Variants in ADAM23 observed in about 807,000 individuals in gnomAD.
The protein encoded by ADAM23 is disintegrin and metalloproteinase domain-containing protein 23.
ADAM23 carries 33 observed loss-of-function variants against 120.1 expected under a neutral mutation model. The ratio of observed to expected loss-of-function variants is 0.27; its 90% CI spans 0.21 to 0.37. The LOEUF is 0.37. Ranked by LOEUF, ADAM23 falls within the 10% of genes least tolerant of loss-of-function variation. ADAM23 has a pLI of 1.00. For synonymous variants in ADAM23, 367 were observed against 375.2 expected, an observed-to-expected ratio of 0.98 and a Z score of 0.25; for missense variants, 862 against 1,058.2, an observed-to-expected ratio of 0.81 and a Z score of 2.57.
At chr2:206,539,704 A>G (rs1393589100) in intron 4 of ADAM23, among the ~76,000 whole-genome samples, 1 of 152,124 alleles carries the variant, frequency 6.6e-6, no homozygotes, top group Non-Finnish European at 1.5e-5. Flanking sequence ...CACTTCTGTT[A>G]TGCTTGGCAC....
intron 19 of ADAM23, among the ~76,000 whole-genome samples, chr2:206,587,593 A>C (rs1269935490): frequency 6.7e-6 from 1 of 149,776 alleles, no homozygotes; most frequent in Non-Finnish European, 1.5e-5. Flanking sequence ...AAAAAAAAAG[A>C]ATGTAATGGC....
intron 3 of ADAM23, among the ~76,000 whole-genome samples, chr2:206,514,964 A>C (rs1169502870): frequency 6.6e-6 from 1 of 152,308 alleles, no homozygotes; most frequent in East Asian, 1.9e-4. Flanking sequence ...CCTACCTTTT[A>C]TGTACACTGG....
intron 12 of ADAM23, among the ~76,000 whole-genome samples, chr2:206,561,413 G>A (rs375768694): frequency 2.2e-4 from 34 of 152,196 alleles, no homozygotes; most frequent in Middle Eastern, 3.4e-3. Context: ...ACAATTTTTC[G>A]TATATATCAG....
At chr2:206,583,346 C>G (rs774046318) in intron 18 of ADAM23, among the ~76,000 whole-genome samples, 4 of 151,796 alleles carry the variant, frequency 2.6e-5, no homozygotes, top group Non-Finnish European at 4.4e-5. Context: ...CCCAGCTACT[C>G]AGGAGGCTGA....
chr2:206,443,827 C>T lies in ADAM23; in HGVS notation c.-40C>T. On this transcript the variant is annotated 5_prime_UTR_variant, in exon 1 of 26. Transcript: ENST00000264377. The stretch of plus-strand genomic sequence containing the variant: ...GCCGCCCCGCAGCTAGCCCGGCGCT[C>T]TCGCCGGCCACACGGAGCGGCGCCC... 2 of 1,056,396 alleles carry T rather than the reference C, an allele frequency of 1.9e-6. No individual in the cohort carries two copies. 65.4% of individuals were successfully genotyped at this position (1,056,396 alleles called of 1,614,324 possible). A position where few individuals can be genotyped will look rare whatever the true frequency, so the allele number is the denominator to read the frequency against.
At chr2:206,578,896 G>C (rs915714851) in intron 18 of ADAM23, among the ~76,000 whole-genome samples, 2 of 152,128 alleles carry the variant, frequency 1.3e-5, no homozygotes, top group Non-Finnish European at 2.9e-5. Context: ...ATCCACGCCA[G>C]TGTCTACTGT....
At chr2:206,552,255 A>G (rs1183783310) in intron 9 of ADAM23, among the ~76,000 whole-genome samples, 1 of 152,194 alleles carries the variant, frequency 6.6e-6, no homozygotes, top group Non-Finnish European at 1.5e-5. Context: ...AATCTATAGA[A>G]TCTGTTCTCA....
At chr2:206,519,907 T>TG (rs1696809656) in intron 3 of ADAM23, among the ~76,000 whole-genome samples, 1 of 152,024 alleles carries the variant, frequency 6.6e-6, no homozygotes, top group Admixed American at 6.6e-5. Context: ...CCCAGCTACT[T>TG]GGGAGGCCAA....
At chr2:206,562,082 T>G (rs1697779403) in intron 12 of ADAM23, 121 bp from the exon 13 acceptor site, 1 of 765,910 alleles carries the variant, frequency 1.3e-6, no homozygotes, top group Non-Finnish European at 2.2e-6. Flanking sequence ...TATGCCATCT[T>G]AAGATACTGA....
intron 17 of ADAM23, among the ~76,000 whole-genome samples, chr2:206,572,153 C>T (rs1048176627): frequency 1.3e-5 from 2 of 151,962 alleles, no homozygotes; most frequent in Admixed American, 6.6e-5. Context: ...ATAATATGAC[C>T]TACTTATAAC....
intron 22 of ADAM23, among the ~76,000 whole-genome samples, chr2:206,593,861 AT>A (rs1698470357): frequency 6.6e-6 from 1 of 151,980 alleles, no homozygotes; most frequent in Admixed American, 6.5e-5. Flanking sequence ...AACACATGAA[AT>A]AATCTTATGA....
intron 2 of ADAM23, among the ~76,000 whole-genome samples, chr2:206,477,316 A>G (rs952481919): frequency 6.6e-6 from 1 of 152,228 alleles, no homozygotes; most frequent in East Asian, 1.9e-4. Flanking sequence ...AGGTTTGTGT[A>G]TATAATTGAG....
intron 3 of ADAM23, among the ~76,000 whole-genome samples, chr2:206,509,303 CTGTA>C (rs1696571934): frequency 6.6e-6 from 1 of 152,066 alleles, no homozygotes; most frequent in Non-Finnish European, 1.5e-5. Context: ...TCAGAGAACT[CTGTA>C]TGTATACTGA....
chr2:206,506,259 C>A (rs762466842), intron 3 of ADAM23, among the ~76,000 whole-genome samples: 2 of 152,280 alleles, frequency 1.3e-5, no homozygotes, highest in Admixed American at 1.3e-4. Context: ...CACGGTTATT[C>A]TTTGTCATAT....
At position 206,549,714 on chromosome 2, in the gene ADAM23, C is replaced by T. The variant is rs140091616; in HGVS notation, c.868-381C>T. Among the ~76,000 whole-genome samples, 107 of 151,866 alleles carry T rather than the reference C, an allele frequency of 7.0e-4. 1 individual carries two copies. Among genetic ancestry groups the T allele is most frequent in the African/African-American group, 2.2e-3 (90 of 41,474 alleles). On this transcript the variant is annotated intron_variant, in intron 8 of 25. Transcript: ENST00000264377. ...TGAGTTTTACATAGATTTTCATTGA[C>T]GTTTTAAGTAAATATGAATATTTTA... is the stretch of plus-strand genomic sequence containing the variant.
At chr2:206,518,706 G>C (rs187401977) in intron 3 of ADAM23, among the ~76,000 whole-genome samples, 3 of 152,278 alleles carry the variant, frequency 2.0e-5, no homozygotes, top group Non-Finnish European at 2.9e-5. Flanking sequence ...TGTAGAAAGA[G>C]TGTATCACTT....
At chr2:206,571,859 T>A (rs1698008039) in intron 17 of ADAM23, 43 bp downstream of exon 17, 1 of 1,531,290 alleles carries the variant, frequency 6.5e-7, no homozygotes, top group Non-Finnish European at 9.0e-7. Flanking sequence ...ATTGACAGAT[T>A]AGCCAGATAT....
chr2:206,551,437 T>G (rs1481669912), intron 9 of ADAM23, among the ~76,000 whole-genome samples: 2 of 152,210 alleles, frequency 1.3e-5, no homozygotes, highest in Non-Finnish European at 2.9e-5. Flanking sequence ...AGTACTTGTT[T>G]TATCAAAACA....
chr2:206,577,422 C>T (rs907874689), intron 18 of ADAM23, among the ~76,000 whole-genome samples: 1 of 125,500 alleles, frequency 8.0e-6, no homozygotes, highest in Non-Finnish European at 1.6e-5. Flanking sequence ...CTCCCCCCAC[C>T]CCACAACAGT....
Sources: gnomAD v4.1 joint callset for allele counts (sites outside exome capture counted in the v4.1 genomes callset) on GRCh38, gnomAD v4.1.1 for gene constraint, MANE v1.5 for transcripts, NCBI Gene and HGNC (gene_info 2026-07-23, HGNC 2026-07-21) for gene names.